Variants in ADAMTS10 observed in about 807,000 individuals in gnomAD.
The protein encoded by ADAMTS10 is ADAM metallopeptidase with thrombospondin type 1 motif 10.
Under a neutral mutation model 135.9 loss-of-function variants are expected in ADAMTS10, and 48 were observed. The ratio of observed to expected loss-of-function variants is 0.35; its 90% CI spans 0.28 to 0.45. The LOEUF (loss-of-function observed/expected upper bound fraction) is 0.45, where lower values mean the gene tolerates loss of function less well. Ranked by LOEUF, ADAMTS10 falls within the 20% of genes least tolerant of loss-of-function variation. The pLI is 1.00. For synonymous variants in ADAMTS10, 621 were observed against 647.5 expected (o/e 0.96, Z 0.62); for missense variants, 1,131 against 1,565.2 (o/e 0.72, Z 4.68).
In ADAMTS10 at chr19:8,596,416, G is replaced by A. The variant is rs367824896; in HGVS notation, c.1085-4C>T. 8.7e-6 allele frequency: 14 copies of A among 1,613,558 alleles called. No individual in the cohort carries two copies. The African/African-American group carries it at 1.7e-4, about 20-fold the overall frequency. On this transcript the variant is annotated splice_region_variant and splice_polypyrimidine_tract_variant and intron_variant, in intron 9 of 25. Coordinates refer to ENST00000597188, the MANE Select transcript of ADAMTS10 (RefSeq NM_030957.4). This position sits in a 1 kb window ranked among gnomAD's most constrained non-coding sequence, Gnocchi z 7.2. ...ATTCCGCCCACCGGGGCCAGGCCTG[G>A]GAAGACGGACATGTGGGGATGGGGC...
Position 8,605,522 on chromosome 19 carries a change from T to TG in ADAMTS10, c.88+100dup. 2.1e-6 allele frequency: 3 copies of TG among 1,456,464 alleles called. No individual in the cohort carries two copies. The highest frequency in any genetic ancestry group is 2.8e-6 in the Non-Finnish European group (3 of 1,067,710). The allele number at this position is 1,456,464 out of a possible 1,614,324, so 90.2% of individuals were successfully genotyped here. ...TATTGACCCCAGGGCCTTCCCCCAT[T>TG]GACCCCCATCCCAGCCCCCTGATGC... On this transcript the variant is annotated intron_variant, in intron 3 of 25. Transcript: ENST00000597188. This position sits in a 1 kb window ranked among gnomAD's most constrained non-coding sequence, Gnocchi z 7.7.
chr19:8,595,976 G>C, intron 11 of ADAMTS10, 73 bp from the exon 12 acceptor site: 1 of 1,613,844 alleles, frequency 6.2e-7, no homozygotes, highest in Non-Finnish European at 8.5e-7. Context: ...AGCTGGATGG[G>C]GGTCCCAGGG....
In ADAMTS10 at chr19:8,605,101, T is replaced by A. The variant is rs1473683201; in HGVS notation, c.346A>T (p.Arg116Trp). Reference sequence around the variant, plus strand: ...TAGAGGCAGTGGGGCCGGGCCGCCCTCTGCCAGGCCAGGCCCTCCCGTGTC... The same window carrying A: ...TAGAGGCAGTGGGGCCGGGCCGCCCACTGCCAGGCCAGGCCCTCCCGTGTC... ...YWTREGLAWQ[R>W]AARPHCLYAG... The change falls in exon 4 of 26, where the codon AGG becomes TGG. Residue 116 changes from arginine (R) to tryptophan (W), a missense_variant. Arg to Trp is a moderately radical substitution (Grantham distance 101). Transcript: ENST00000597188. The surrounding 1 kb of genome is among the most constrained non-coding windows in gnomAD (Gnocchi z 7.7). The A allele has an allele frequency of 1.9e-6, 3 of 1,613,104 alleles. No homozygotes were observed. In the South Asian group the frequency reaches 3.3e-5, roughly 18 times the overall value.
intron 12 of ADAMTS10, among the ~76,000 whole-genome samples, chr19:8,595,057 G>C (rs974317682): frequency 6.6e-6 from 1 of 152,152 alleles, no homozygotes; most frequent in Non-Finnish European, 1.5e-5. Flanking sequence ...GTGAAGAACT[G>C]GGGCTGAACC....
At chr19:8,600,555 G>A (rs1473066239) in intron 6 of ADAMTS10, among the ~76,000 whole-genome samples, 1 of 145,094 alleles carries the variant, frequency 6.9e-6, no homozygotes, top group South Asian at 2.2e-4. Flanking sequence ...CTGGAGTGCA[G>A]TGGCGTGATC....
intron 23 of ADAMTS10, 50 bp from the exon 24 acceptor site, chr19:8,585,358 G>C: frequency 1.3e-6 from 2 of 1,534,072 alleles, no homozygotes; most frequent in South Asian, 1.2e-5. Context: ...CCAGTGCGAA[G>C]TGAGGAGGGG....
rs142825557 is a variant in ADAMTS10 at position 8,595,822 on chromosome 19, G to T, written c.1419C>A (p.Tyr473Ter). The T allele has an allele frequency of 6.2e-7, 1 of 1,614,044 alleles. No homozygotes were observed. Among genetic ancestry groups the T allele is most frequent in the African/African-American group, 1.3e-5 (1 of 74,916 alleles). Residue 473 changes from tyrosine (Y) to a stop codon, truncating the protein, a stop_gained, in exon 12 of 26, where the codon TAC becomes TAA. Coordinates refer to ENST00000597188, the MANE Select transcript of ADAMTS10 (RefSeq NM_030957.4). LOFTEE classifies it high-confidence loss of function. ...GAAAGCGGCATTGCTCATCTGCATC[G>T]TAGGCTTGGCCCGGTGCCACTGTCG... ...VYPTVAPGQA[Y>*]DADEQCRFQH... is the part of the protein sequence containing the mutation.
chr19:8,594,795 A>T (rs1555739815), intron 12 of ADAMTS10, among the ~76,000 whole-genome samples: 1 of 152,214 alleles, frequency 6.6e-6, no homozygotes, highest in Admixed American at 6.5e-5. Context: ...CATTGTTAGG[A>T]TACCTGGGTC....
Position 8,605,216 on chromosome 19 carries a change from G to A in ADAMTS10, c.231C>T (p.Phe77=). ...GGGTGCTGGGCGAGGCCACTTTGTAGAAGAGGCGGGACTCGGCTGTGGCCC... is the reference window on the plus strand; with the variant it reads ...GGGTGCTGGGCGAGGCCACTTTGTAAAAGAGGCGGGACTCGGCTGTGGCCC... ...GTGATAESRL[F]YKVASPSTHF... Residue 77 remains phenylalanine (F), a synonymous_variant, in exon 4 of 26, where the codon TTC becomes TTT. Transcript: ENST00000597188. The surrounding 1 kb of genome is among the most constrained non-coding windows in gnomAD (Gnocchi z 7.7). The A allele has an allele frequency of 6.2e-7, 1 of 1,613,918 alleles. No homozygotes were observed. The highest frequency in any genetic ancestry group is 8.5e-7 in the Non-Finnish European group (1 of 1,179,888).
intron 15 of ADAMTS10, 61 bp from the exon 16 acceptor site, chr19:8,590,052 G>A (rs2042502234): frequency 8.2e-7 from 1 of 1,219,096 alleles, no homozygotes; most frequent in African/African-American, 1.5e-5. Context: ...GTCAGAAAAG[G>A]GGTGCTCAGA....
intron 24 of ADAMTS10, 29 bp from the exon 25 acceptor site, chr19:8,585,083 C>A: frequency 6.7e-7 from 1 of 1,502,602 alleles, no homozygotes; most frequent in Middle Eastern, 2.1e-4. Context: ...CAGTTGCTGC[C>A]CCGCAGCCCC....
At position 8,605,198 on chromosome 19, in the gene ADAMTS10, G is replaced by A. The variant is rs1486265296; in HGVS notation, c.249C>T (p.Pro83=). Residue 83 remains proline (P), a synonymous_variant, in exon 4 of 26, where the codon CCC becomes CCT. Coordinates refer to ENST00000597188, the MANE Select transcript of ADAMTS10 (RefSeq NM_030957.4). The surrounding 1 kb of genome is among the most constrained non-coding windows in gnomAD (Gnocchi z 7.7). The stretch of plus-strand genomic sequence containing the variant: ...TCAGGTTCAGCAGGAAGTGGGTGCT[G>A]GGCGAGGCCACTTTGTAGAAGAGGC... ...ESRLFYKVAS[P]STHFLLNLTR... 6.2e-7 allele frequency: 1 copy of A among 1,613,920 alleles called. No homozygotes were observed. The highest frequency in any genetic ancestry group is 8.5e-7 in the Non-Finnish European group (1 of 1,179,956).
At position 8,591,873 on chromosome 19, in the gene ADAMTS10, G is replaced by T. The variant is rs2042534918; in HGVS notation, c.1734-10C>A. 1 of 1,613,256 alleles carries T rather than the reference G, an allele frequency of 6.2e-7. No homozygotes were observed. Among genetic ancestry groups the T allele is most frequent in the African/African-American group, 1.3e-5 (1 of 74,950 alleles). On this transcript the variant is annotated splice_polypyrimidine_tract_variant and intron_variant, in intron 14 of 25. Transcript: ENST00000597188. ...GCCCCCGATGGTTGGCCTGGAAAGG[G>T]TGGTGGGATAGGAGAGGGATGAGGC...
At position 8,605,540 on chromosome 19, in the gene ADAMTS10, CCT is replaced by C. The variant is rs1555742425; in HGVS notation, c.88+81_88+82del. The C allele has an allele frequency of 2.6e-6, 4 of 1,537,196 alleles. No individual in the cohort carries two copies. Among genetic ancestry groups the C allele is most frequent in the South Asian group, 1.2e-5 (1 of 84,658 alleles). ...CCCCCATTGACCCCCATCCCAGCCC[CCT>C]GATGCCTCTTTCTGTTGGAGCCCAA... is the stretch of plus-strand genomic sequence containing the variant. On this transcript the variant is annotated intron_variant, in intron 3 of 25. Coordinates refer to ENST00000597188, the MANE Select transcript of ADAMTS10 (RefSeq NM_030957.4). The surrounding 1 kb of genome is among the most constrained non-coding windows in gnomAD (Gnocchi z 7.7).
Position 8,589,900 on chromosome 19 carries a change from G to C in ADAMTS10, c.1889C>G (p.Thr630Arg). 1.9e-6 allele frequency: 3 copies of C among 1,613,962 alleles called. No individual in the cohort carries two copies. Among genetic ancestry groups the C allele is most frequent in the South Asian group, 2.2e-5 (2 of 91,082 alleles). The change falls in exon 16 of 26, where the codon ACG becomes AGG. Residue 630 changes from threonine (T) to arginine (R), a missense_variant. Thr to Arg is a moderately conservative substitution (Grantham distance 71). Coordinates refer to ENST00000597188, the MANE Select transcript of ADAMTS10 (RefSeq NM_030957.4). ...PFRGKFYKWK[T>R]YRGGGVKACS... is the part of the protein sequence containing the mutation. ...AGTCCCACACTCACCTCCCCGGTAC[G>C]TTTTCCACTTGTAGAATTTCCCACG...
At chr19:8,595,718 G>GCCCCCCC in intron 12 of ADAMTS10, 44 bp downstream of exon 12, 1 of 1,403,576 alleles carries the variant, frequency 7.1e-7, no homozygotes, top group East Asian at 2.7e-5. Context: ...AGCCCCAGCG[G>GCCCCCCC]CCCCCTCCCC....
intron 6 of ADAMTS10, among the ~76,000 whole-genome samples, chr19:8,599,992 G>A (rs1464876550): frequency 1.3e-5 from 2 of 151,408 alleles, no homozygotes; most frequent in Admixed American, 1.3e-4. Flanking sequence ...CCGCCACCAC[G>A]CCCGGCTAAT....
intron 22 of ADAMTS10, 33 bp from the exon 23 acceptor site, chr19:8,585,693 CA>C (rs782269517): frequency 1.9e-6 from 3 of 1,603,854 alleles, no homozygotes; most frequent in Non-Finnish European, 2.6e-6. Flanking sequence ...AGCAAGTAAG[CA>C]GGGCAGGGGG....
At chr19:8,592,966 C>G (rs1350347234) in intron 12 of ADAMTS10, 96 bp from the exon 13 acceptor site, 2 of 1,171,546 alleles carry the variant, frequency 1.7e-6, no homozygotes, top group Non-Finnish European at 2.5e-6. Context: ...GGCTCACTGC[C>G]GGTCCCAGAG....
Sources: allele counts gnomAD v4.1 joint callset (sites outside exome capture counted in the v4.1 genomes callset), GRCh38; gene constraint gnomAD v4.1.1; non-coding constraint Gnocchi (gnomAD v3.1); transcripts MANE v1.5; gene names NCBI Gene and HGNC (gene_info 2026-07-23, HGNC 2026-07-21).